Variants in CAST observed in about 807,000 individuals in gnomAD.
CAST encodes the protein calpastatin, also known as MIR583 host.
A neutral mutation model predicts 119.6 loss-of-function variants in CAST; 76 were observed. The observed-to-expected ratio is 0.64, with a 90% CI of 0.53 to 0.77. The LOEUF (loss-of-function observed/expected upper bound fraction) is 0.77. Ranked by LOEUF, CAST falls within the 30% of genes least tolerant of loss-of-function variation. The probability of loss-of-function intolerance (pLI) is 0.00; values close to 1 mark genes in which losing one functional copy is unlikely to be tolerated. For missense variants in CAST, 953 were observed against 946.5 expected, an observed-to-expected ratio of 1.01 and a Z score of -0.09; for synonymous variants, 319 against 331.6, an observed-to-expected ratio of 0.96 and a Z score of 0.41.
At chr5:96,348,420 T>C in the CAST span, among the ~76,000 whole-genome samples, 1 of 146,558 alleles carries the variant, frequency 6.8e-6, no homozygotes, top group Non-Finnish European at 1.5e-5. Context: ...GATAGAGAGA[T>C]TTGTTGGTGC....
the CAST span, among the ~76,000 whole-genome samples, chr5:96,167,984 G>A: frequency 2.0e-5 from 3 of 152,186 alleles, no homozygotes; most frequent in Non-Finnish European, 4.4e-5. Context: ...ACCATGGGAA[G>A]GAAATGAGAG....
At chr5:96,684,126 C>T (rs972200548) in intron 2 of CAST, among the ~76,000 whole-genome samples, 1 of 152,176 alleles carries the variant, frequency 6.6e-6, no homozygotes, top group African/African-American at 2.4e-5. Context: ...TGTCTTTAGG[C>T]AAGTTACTTT....
At chr5:96,162,018 G>A in the CAST span, among the ~76,000 whole-genome samples, 1 of 152,120 alleles carries the variant, frequency 6.6e-6, no homozygotes, top group African/African-American at 2.4e-5. Flanking sequence ...TCTTGTGGAT[G>A]CCTTTGGATT....
chr5:96,715,415 G>A (rs1181893388), intron 3 of CAST, among the ~76,000 whole-genome samples: 1 of 152,200 alleles, frequency 6.6e-6, no homozygotes. Flanking sequence ...TATGAGGGCA[G>A]TCAACTTGTT....
At chr5:96,151,119 C>T in the CAST span, among the ~76,000 whole-genome samples, 1 of 152,144 alleles carries the variant, frequency 6.6e-6, no homozygotes, top group African/African-American at 2.4e-5. Context: ...ATATTAAAAT[C>T]ACCCTAGAAA....
chr5:96,547,039 T>G (rs898257495), intron 1 of CAST, among the ~76,000 whole-genome samples: 5 of 152,162 alleles, frequency 3.3e-5, no homozygotes, highest in Non-Finnish European at 7.4e-5. Flanking sequence ...AAAATTGATA[T>G]GGAGGAAAAT....
At chr5:96,186,620 C>T in the CAST span, among the ~76,000 whole-genome samples, 3 of 152,120 alleles carry the variant, frequency 2.0e-5, no homozygotes, top group Non-Finnish European at 4.4e-5. Context: ...TGGTTTTTGA[C>T]TTCAGTTCTG....
intron 1 of CAST, among the ~76,000 whole-genome samples, chr5:96,564,276 G>A (rs915792765): frequency 2.2e-4 from 33 of 152,226 alleles, no homozygotes; most frequent in African/African-American, 5.3e-4. Context: ...CTTTTTGTTC[G>A]TTTGCTTTGG....
intron 1 of CAST, among the ~76,000 whole-genome samples, chr5:96,553,046 A>C (rs1421967553): frequency 1.3e-5 from 2 of 152,124 alleles, no homozygotes; most frequent in East Asian, 1.9e-4. Flanking sequence ...GGGAATCCTC[A>C]CTAACTCATT....
chr5:96,206,912 C>T, the CAST span, among the ~76,000 whole-genome samples: 1 of 152,014 alleles, frequency 6.6e-6, no homozygotes, highest in Non-Finnish European at 1.5e-5. Context: ...GCCATTTTAA[C>T]AATATTGATT....
At chr5:96,399,969 T>C in the CAST span, 62 of 1,613,428 alleles carry the variant, frequency 3.8e-5, no homozygotes, top group South Asian at 6.4e-4. Context: ...TCAAAGTCAT[T>C]GTCCTTTACA....
the CAST span, among the ~76,000 whole-genome samples, chr5:96,019,845 A>G: frequency 6.6e-6 from 1 of 152,226 alleles, no homozygotes. Context: ...GAATGAGAAG[A>G]TACATTTTCT....
At chr5:96,754,940 C>G (rs1408109067) in intron 22 of CAST, 199 bp downstream of exon 22, 2 of 391,336 alleles carry the variant, frequency 5.1e-6, no homozygotes, top group Non-Finnish European at 9.3e-6. Flanking sequence ...ACTTGATCCT[C>G]AAGTGAAAGA....
the CAST span, among the ~76,000 whole-genome samples, chr5:96,079,699 A>G: frequency 6.6e-6 from 1 of 152,182 alleles, no homozygotes; most frequent in Non-Finnish European, 1.5e-5. Context: ...ACGTAATCAA[A>G]CTTCAATATT....
chr5:96,482,389 T>C, the CAST span, among the ~76,000 whole-genome samples: 2 of 150,316 alleles, frequency 1.3e-5, no homozygotes, highest in African/African-American at 4.9e-5. Flanking sequence ...GAATGAAAAT[T>C]CCCCATCTAG....
chr5:96,021,201 A>C, the CAST span, among the ~76,000 whole-genome samples: 1 of 152,214 alleles, frequency 6.6e-6, no homozygotes, highest in East Asian at 1.9e-4. Flanking sequence ...CTAGCATCAT[A>C]GGATGAATGA....
chr5:96,378,190 G>A, the CAST span, among the ~76,000 whole-genome samples: 1 of 152,130 alleles, frequency 6.6e-6, no homozygotes, highest in Non-Finnish European at 1.5e-5. Flanking sequence ...ATTGGGAGAT[G>A]TCAGTCAAAA....
the CAST span, among the ~76,000 whole-genome samples, chr5:96,264,734 A>C: frequency 2.0e-5 from 3 of 152,354 alleles, no homozygotes; most frequent in South Asian, 6.2e-4. Flanking sequence ...TAGCATACAC[A>C]TGACATTAGT....
chr5:96,246,061 AC>A, the CAST span, among the ~76,000 whole-genome samples: 2 of 152,118 alleles, frequency 1.3e-5, no homozygotes, highest in South Asian at 4.2e-4. Context: ...ACCTCTCAAA[AC>A]CATAGCATCC....
Sources: gnomAD v4.1 joint callset for allele counts (sites outside exome capture counted in the v4.1 genomes callset) on GRCh38, gnomAD v4.1.1 for gene constraint, MANE v1.5 for transcripts, NCBI Gene and HGNC (gene_info 2026-07-23, HGNC 2026-07-21) for gene names.